DNAH6: variants seen among roughly 807,000 people sequenced by gnomAD.
The protein encoded by DNAH6 is axonemal beta dynein heavy chain 6.
DNAH6 carries 340 observed loss-of-function variants against 491.4 expected under a neutral mutation model. The ratio of observed to expected loss-of-function variants is 0.69; its 90% CI spans 0.63 to 0.76. DNAH6 has a LOEUF of 0.76. Ranked by LOEUF, DNAH6 falls within the 30% of genes least tolerant of loss-of-function variation. The pLI, the probability that DNAH6 is intolerant of heterozygous loss-of-function variation, is 0.00. For synonymous variants in DNAH6, 1,603 were observed against 1,686.1 expected (o/e 0.95, Z 1.21); for missense variants, 4,443 against 4,972.2 (o/e 0.89, Z 3.20).
At chr2:84,598,859 G>A (rs6752869) in intron 18 of DNAH6, among the ~76,000 whole-genome samples, 122,309 of 151,702 alleles carry the variant, frequency 0.81, 51,991 homozygotes, top group East Asian at 0.99. Context: ...GTGAAACCCC[G>A]TCTCTACTAA....
At chr2:84,505,391 T>G in the DNAH6 span, among the ~76,000 whole-genome samples, 1 of 152,190 alleles carries the variant, frequency 6.6e-6, no homozygotes, top group African/African-American at 2.4e-5. Flanking sequence ...AATATCAAAT[T>G]GAAGTGGCAA....
At chr2:84,724,644 A>T (rs1340295764) in intron 60 of DNAH6, among the ~76,000 whole-genome samples, 2 of 152,114 alleles carry the variant, frequency 1.3e-5, no homozygotes, top group African/African-American at 4.8e-5. Context: ...GACTGCAAAC[A>T]TCTAGAGGCT....
At chr2:84,650,880 G>A (rs1270359928) in intron 33 of DNAH6, among the ~76,000 whole-genome samples, 1 of 152,144 alleles carries the variant, frequency 6.6e-6, no homozygotes, top group East Asian at 1.9e-4. Context: ...ATTATGTTAT[G>A]AGACTCTAGA....
At chr2:84,520,470 A>T (rs1370180004) in intron 2 of DNAH6, among the ~76,000 whole-genome samples, 3 of 152,130 alleles carry the variant, frequency 2.0e-5, no homozygotes, top group Non-Finnish European at 4.4e-5. Flanking sequence ...GATTTGTTAC[A>T]TAGGTAAACT....
intron 65 of DNAH6, among the ~76,000 whole-genome samples, chr2:84,782,143 A>T (rs568999469): frequency 1.3e-5 from 2 of 152,182 alleles, no homozygotes; most frequent in Admixed American, 6.5e-5. Context: ...AGCATTACTC[A>T]TAGTTGCTAG....
intron 17 of DNAH6, among the ~76,000 whole-genome samples, chr2:84,595,128 A>G (rs1454180624): frequency 6.6e-6 from 1 of 152,162 alleles, no homozygotes. Flanking sequence ...AAAAAAAGAA[A>G]AATGAAGGTT....
rs1695517290 is a variant in DNAH6 at position 84,697,632 on chromosome 2, C to T, written c.7582C>T (p.Pro2528Ser). ...INNILNSGEV[P>S]NLFEKDELEQ... ...TAACATCCTGAACTCAGGTGAAGTG[C>T]CTAATTTATTTGAAAAGGATGAACT... is the stretch of plus-strand genomic sequence containing the variant. The change falls in exon 47 of 77, where the codon CCT becomes TCT. Residue 2528 changes from proline (P) to serine (S), a missense_variant. Physicochemically the swap from Pro to Ser is moderately conservative, Grantham distance 74. Around this residue, in one of 3 missense-constraint regions of DNAH6, gnomAD observed 2,977 missense variants for 3,296.6 expected, o/e 0.90. Transcript: ENST00000389394. 6.4e-7 allele frequency: 1 copy of T among 1,551,824 alleles called. No individual in the cohort carries two copies. The highest frequency in any genetic ancestry group is 1.4e-5 in the African/African-American group (1 of 73,124).
intron 33 of DNAH6, 47 bp downstream of exon 33, chr2:84,642,101 G>A: frequency 8.4e-7 from 1 of 1,188,920 alleles, no homozygotes; most frequent in Non-Finnish European, 1.2e-6. Flanking sequence ...TCACGTAGAG[G>A]CAAATGGTAG....
chr2:84,659,904 C>G (rs1254409705), intron 37 of DNAH6, among the ~76,000 whole-genome samples: 1 of 152,066 alleles, frequency 6.6e-6, no homozygotes, highest in Non-Finnish European at 1.5e-5. Context: ...ATTTCTTGAG[C>G]CCAGGAATTT....
intron 22 of DNAH6, among the ~76,000 whole-genome samples, chr2:84,612,232 A>G (rs1024296708): frequency 2.6e-5 from 4 of 152,114 alleles, no homozygotes; most frequent in Non-Finnish European, 5.9e-5. Flanking sequence ...AAGCTCCTCC[A>G]CAGATTTATA....
intron 11 of DNAH6, among the ~76,000 whole-genome samples, chr2:84,566,678 C>T (rs769266813): frequency 2.6e-5 from 4 of 151,662 alleles, no homozygotes; most frequent in Non-Finnish European, 5.9e-5. Context: ...CATAAATAGA[C>T]GTCTAAGAAT....
chr2:84,460,732 G>A, the DNAH6 span, among the ~76,000 whole-genome samples: 1 of 152,154 alleles, frequency 6.6e-6, no homozygotes, highest in East Asian at 1.9e-4. Flanking sequence ...GATGGACTTA[G>A]GATATTTCAA....
At chr2:84,699,493 T>G in intron 47 of DNAH6, 101 bp from the exon 48 acceptor site, 1 of 1,020,690 alleles carries the variant, frequency 9.8e-7, no homozygotes, top group Non-Finnish European at 1.4e-6. Flanking sequence ...TGCTGACATT[T>G]TATATTTGAT....
rs1298667235 is a variant in DNAH6, at chr2:84,653,717, A to G, written c.5477A>G (p.Asn1826Ser). 6.4e-7 allele frequency: 1 copy of G among 1,551,244 alleles called. No homozygotes were observed. Among genetic ancestry groups the G allele is most frequent in the Non-Finnish European group, 8.7e-7 (1 of 1,146,734 alleles). The stretch of plus-strand genomic sequence containing the variant: ...GCACTAAGTGTCCGAGCAGCTGTGA[A>G]TGATACTTCAGAAGACCATAAATGG... ...LMALSVRAAVNDTSEDHKWII... is the reference protein window; with the variant it reads ...LMALSVRAAVSDTSEDHKWII... The change falls in exon 34 of 77, where the codon AAT becomes AGT. Residue 1826 changes from asparagine to serine, a missense_variant. Asn to Ser is a conservative substitution (Grantham distance 46). This residue lies in a region of DNAH6 where 2,977 missense variants were observed against 3,296.6 expected (regional missense o/e 0.90). Transcript: ENST00000389394.
At chr2:84,589,037 GT>G in intron 16 of DNAH6, 83 bp downstream of exon 16, 1 of 1,241,132 alleles carries the variant, frequency 8.1e-7, no homozygotes, top group South Asian at 1.9e-5. Context: ...TAATGTAACT[GT>G]AAACATTCAA....
chr2:84,600,897 A>G (rs1340969608), intron 18 of DNAH6, among the ~76,000 whole-genome samples: 1 of 150,798 alleles, frequency 6.6e-6, no homozygotes, highest in Admixed American at 6.6e-5. Context: ...CCCCAGTAGC[A>G]ATGAGCATAA....
intron 15 of DNAH6, among the ~76,000 whole-genome samples, chr2:84,588,172 G>A (rs1366548437): frequency 6.6e-6 from 1 of 152,124 alleles, no homozygotes; most frequent in Non-Finnish European, 1.5e-5. Flanking sequence ...ACATCCCTTG[G>A]CTTTTTCTAA....
At chr2:84,545,746 C>A (rs1678713074) in intron 5 of DNAH6, among the ~76,000 whole-genome samples, 1 of 152,142 alleles carries the variant, frequency 6.6e-6, no homozygotes, top group Non-Finnish European at 1.5e-5. Context: ...CACCCACACA[C>A]TTACCACTAG....
At chr2:84,526,173 T>A (rs1239106910) in intron 3 of DNAH6, among the ~76,000 whole-genome samples, 1 of 151,810 alleles carries the variant, frequency 6.6e-6, no homozygotes, top group Non-Finnish European at 1.5e-5. Context: ...AAATGGTAGC[T>A]CAGGGAAGAA....
Sources: gnomAD v4.1 joint callset for allele counts (sites outside exome capture counted in the v4.1 genomes callset) on GRCh38, gnomAD v4.1.1 for gene constraint, gnomAD v4.1.1 regional missense constraint, MANE v1.5 for transcripts, NCBI Gene and HGNC (gene_info 2026-07-23, HGNC 2026-07-21) for gene names.